NUP205: variants seen among roughly 807,000 people sequenced by gnomAD.
NUP205 encodes the protein nucleoporin 205.
In NUP205, 76 loss-of-function variants were observed where a neutral mutation model predicts 253.8. That is an observed-to-expected ratio of 0.30 (90% CI 0.25 to 0.36). The LOEUF (loss-of-function observed/expected upper bound fraction) is 0.36. Among genes scored for constraint, NUP205 ranks in the 10% least tolerant of loss-of-function variants. The probability of loss-of-function intolerance (pLI) is 1.00; values close to 1 mark genes in which losing one functional copy is unlikely to be tolerated. For missense variants in NUP205, 2,162 were observed against 2,425.5 expected, an observed-to-expected ratio of 0.89 and a Z score of 2.28; for synonymous variants, 832 against 850.1, an observed-to-expected ratio of 0.98 and a Z score of 0.37.
chr7:135,574,915 C>T (rs1806111050), intron 3 of NUP205, among the ~76,000 whole-genome samples: 1 of 152,036 alleles, frequency 6.6e-6, no homozygotes, highest in African/African-American at 2.4e-5. Context: ...TACCAAAATC[C>T]TTTTTGACCT....
At chr7:135,647,087 A>AGAATGAATGAAGAGTATGCCAAAAAC (rs1206479907) in intron 42 of NUP205, among the ~76,000 whole-genome samples, 10 of 152,394 alleles carry the variant, frequency 6.6e-5, no homozygotes, top group Admixed American at 6.5e-5. Context: ...CAGTAGTGTT[A>AGAATGAATGAAGAGTATGCCAAAAAC]GAATGAATGA....
intron 7 of NUP205, among the ~76,000 whole-genome samples, chr7:135,582,260 G>C (rs1004888717): frequency 6.6e-6 from 1 of 152,108 alleles, no homozygotes; most frequent in Non-Finnish European, 1.5e-5. Flanking sequence ...ACTCCAGCCT[G>C]GGCAGCAGAG....
chr7:135,584,997 T>G lies in NUP205; in HGVS notation c.1208T>G (p.Met403Arg). ...CTCATCACAGATTTCCTTGCACTTA[T>G]GCCAATGAAGGTAAGTGTAATAATG... is the stretch of plus-strand genomic sequence containing the variant. ...HNLITDFLAL[M>R]PMKVKQLRNR... Residue 403 changes from methionine to arginine, a missense_variant, in exon 8 of 43, where the codon ATG becomes AGG. By Grantham distance (91) the Met-to-Arg change is moderately conservative. Transcript: ENST00000285968. 6.2e-7 allele frequency: 1 copy of G among 1,610,576 alleles called. No individual in the cohort carries two copies. The highest frequency in any genetic ancestry group is 8.5e-7 in the Non-Finnish European group (1 of 1,177,034).
At chr7:135,613,830 G>T (rs1395434342) in intron 22 of NUP205, 1 of 153,642 alleles carries the variant, frequency 6.5e-6, no homozygotes, top group African/African-American at 2.4e-5. Context: ...TGCCCGGCCT[G>T]CTACTAATAA....
intron 22 of NUP205, among the ~76,000 whole-genome samples, chr7:135,608,131 A>G (rs1348112429): frequency 6.7e-6 from 1 of 148,360 alleles, no homozygotes; most frequent in African/African-American, 2.5e-5. Context: ...GGCTCAAGCG[A>G]TTCTCCTGCC....
At position 135,587,866 on chromosome 7, in the gene NUP205, A is replaced by G. The variant is rs1440945532; in HGVS notation, c.1347A>G (p.Leu449=). 3 of 1,612,730 alleles carry G rather than the reference A, an allele frequency of 1.9e-6. No individual in the cohort carries two copies. The highest frequency in any genetic ancestry group is 1.3e-5 in the African/African-American group (1 of 74,820). ...CTTACTCTTTGCAGATTGGCGAGCT[A>G]TATAAAAAGAACCCTTTTCATCTGG... The part of the protein sequence containing the change: ...LEHLMLLIGE[L]YKKNPFHLEL... The change falls in exon 10 of 43, where the codon CTA becomes CTG. Residue 449 remains leucine, a synonymous_variant. Transcript: ENST00000285968.
intron 38 of NUP205, among the ~76,000 whole-genome samples, chr7:135,641,664 T>A (rs1212561490): frequency 8.2e-6 from 1 of 121,824 alleles, no homozygotes; most frequent in Non-Finnish European, 1.9e-5. Flanking sequence ...CCTAGCTACT[T>A]GGGAGGCTGA....
intron 1 of NUP205, among the ~76,000 whole-genome samples, chr7:135,567,316 C>A (rs1271225513): frequency 6.8e-6 from 1 of 148,068 alleles, no homozygotes; most frequent in African/African-American, 2.5e-5. Context: ...GGTGCAGTGG[C>A]TCATGCCTTT....
chr7:135,570,838 T>TATATATTATATTAA (rs1805972770), intron 1 of NUP205, among the ~76,000 whole-genome samples: 1 of 105,606 alleles, frequency 9.5e-6, no homozygotes, highest in Non-Finnish European at 1.8e-5. Context: ...AAATTATATA[T>TATATATTATATTAA]TATATATTAC....
At chr7:135,560,161 T>C (rs1340135947) in intron 1 of NUP205, among the ~76,000 whole-genome samples, 1 of 150,552 alleles carries the variant, frequency 6.6e-6, no homozygotes, top group Non-Finnish European at 1.5e-5. Flanking sequence ...CCTGGCCAAT[T>C]TTTTTTGTAT....
chr7:135,558,702 A>G (rs1219669658), intron 1 of NUP205, among the ~76,000 whole-genome samples: 2 of 152,194 alleles, frequency 1.3e-5, no homozygotes, highest in Non-Finnish European at 2.9e-5. Flanking sequence ...CCTGGGGTAC[A>G]CTGCTGTCGC....
At chr7:135,619,178 A>G (rs903555116) in intron 28 of NUP205, among the ~76,000 whole-genome samples, 2 of 152,098 alleles carry the variant, frequency 1.3e-5, no homozygotes, top group Admixed American at 6.5e-5. Flanking sequence ...AACCTGGGCA[A>G]CATAGTGAGA....
In NUP205 at chr7:135,604,219, C is replaced by G. The variant is rs1794034587; in HGVS notation, c.2703-121C>G. On this transcript the variant is annotated intron_variant, in intron 18 of 42. Coordinates refer to ENST00000285968, the MANE Select transcript of NUP205 (RefSeq NM_015135.3). ...TCTATTTAGAAGGGGACAGCTTTTT[C>G]TTATTTACCTTGAAGTGCTGTATGG... The G allele has an allele frequency of 6.7e-6, 5 of 745,786 alleles. No homozygotes were observed. The South Asian group carries it at 9.9e-5, about 15-fold the overall frequency. The allele number at this position is 745,786 out of a possible 1,614,324, so 46.2% of individuals were successfully genotyped here. A position where few individuals can be genotyped will look rare whatever the true frequency, so the allele number is the denominator to read the frequency against.
chr7:135,568,769 G>A (rs942390748), intron 1 of NUP205, among the ~76,000 whole-genome samples: 1 of 152,142 alleles, frequency 6.6e-6, no homozygotes, highest in African/African-American at 2.4e-5. Context: ...CTACTGCTCT[G>A]AATTCTCTTT....
At chr7:135,589,749 G>A (rs1479531648) in intron 10 of NUP205, among the ~76,000 whole-genome samples, 1 of 151,210 alleles carries the variant, frequency 6.6e-6, no homozygotes, top group East Asian at 1.9e-4. Context: ...TGAGCAACAT[G>A]GTGAACCCTG....
At chr7:135,606,352 A>G (rs1467479646) in intron 20 of NUP205, 126 bp downstream of exon 20, 24 of 700,550 alleles carry the variant, frequency 3.4e-5, no homozygotes, top group Non-Finnish European at 4.6e-5. Flanking sequence ...ATTTGCTAGA[A>G]TACAGGTTGA....
chr7:135,576,947 T>C (rs1388463411), intron 4 of NUP205, 22 bp from the exon 5 acceptor site: 1 of 1,597,160 alleles, frequency 6.3e-7, no homozygotes, highest in Admixed American at 1.8e-5. Flanking sequence ...TAACGTAGTT[T>C]ATTGATTTCT....
intron 33 of NUP205, among the ~76,000 whole-genome samples, chr7:135,627,647 T>C (rs1794619744): frequency 6.6e-6 from 1 of 152,212 alleles, no homozygotes; most frequent in Non-Finnish European, 1.5e-5. Context: ...ATCTGTTTCT[T>C]ACTTAACAGC....
intron 38 of NUP205, among the ~76,000 whole-genome samples, 187 bp downstream of exon 38, chr7:135,638,870 T>G (rs1563139782): frequency 6.6e-6 from 1 of 152,148 alleles, no homozygotes; most frequent in African/African-American, 2.4e-5. Context: ...CTGGAGAGAA[T>G]AGAGAAATTC....
Sources: gnomAD v4.1 joint callset for allele counts (sites outside exome capture counted in the v4.1 genomes callset) on GRCh38, gnomAD v4.1.1 for gene constraint, MANE v1.5 for transcripts, NCBI Gene and HGNC (gene_info 2026-07-23, HGNC 2026-07-21) for gene names.